The following PDE4B variants were observed in gnomAD, a reference collection of about 807,000 sequenced individuals.
PDE4B encodes 3',5'-cyclic-AMP phosphodiesterase 4B.
Under a neutral mutation model 82.2 loss-of-function variants are expected in PDE4B, and 20 were observed. The ratio of observed to expected loss-of-function variants is 0.24; its 90% CI spans 0.17 to 0.35. PDE4B has a LOEUF of 0.35. Ranked by LOEUF, PDE4B falls within the 10% of genes least tolerant of loss-of-function variation. PDE4B has a pLI of 1.00. For synonymous variants in PDE4B, 320 were observed against 318.9 expected (o/e 1.00, Z -0.04); for missense variants, 655 against 907.2 (o/e 0.72, Z 3.57).
At chr1:66,314,324 C>G (rs1360119325) in intron 7 of PDE4B, among the ~76,000 whole-genome samples, 2 of 152,202 alleles carry the variant, frequency 1.3e-5, no homozygotes, top group African/African-American at 4.8e-5. Context: ...ATTCAAGAAC[C>G]TACAATAGCT....
intron 3 of PDE4B, among the ~76,000 whole-genome samples, chr1:65,982,066 G>GA (rs770621001): frequency 6.6e-6 from 1 of 152,188 alleles, no homozygotes; most frequent in Non-Finnish European, 1.5e-5. Flanking sequence ...GACTGGAAGA[G>GA]ATTTGAAGTG....
chr1:65,913,912 G>T (rs1239027612), intron 2 of PDE4B, among the ~76,000 whole-genome samples: 1 of 152,164 alleles, frequency 6.6e-6, no homozygotes, highest in Non-Finnish European at 1.5e-5. Context: ...TAATGGGATA[G>T]CAGAGTAAAT....
intron 8 of PDE4B, among the ~76,000 whole-genome samples, chr1:66,335,456 T>C (rs78364937): frequency 2.6e-5 from 4 of 152,194 alleles, no homozygotes; most frequent in African/African-American, 2.4e-5. Flanking sequence ...CTAGGTAGGG[T>C]TGTGCTTTTT....
intron 3 of PDE4B, among the ~76,000 whole-genome samples, chr1:65,970,625 G>A (rs1403922822): frequency 2.0e-5 from 3 of 152,092 alleles, no homozygotes; most frequent in Non-Finnish European, 2.9e-5. Flanking sequence ...AGTATATAAT[G>A]TAATAAGTTC....
At chr1:66,174,628 T>A (rs1438433506) in intron 3 of PDE4B, among the ~76,000 whole-genome samples, 1 of 151,982 alleles carries the variant, frequency 6.6e-6, no homozygotes, top group Non-Finnish European at 1.5e-5. Context: ...TGGTGGCACA[T>A]GCCTGTAATC....
At chr1:66,201,678 G>A (rs1233132097) in intron 3 of PDE4B, among the ~76,000 whole-genome samples, 6 of 137,636 alleles carry the variant, frequency 4.4e-5, no homozygotes, top group Non-Finnish European at 9.5e-5. Flanking sequence ...ATTTCTGTGG[G>A]ATCTGTGGTG....
intron 3 of PDE4B, among the ~76,000 whole-genome samples, chr1:65,984,350 G>A (rs546180445): frequency 1.3e-5 from 2 of 152,276 alleles, no homozygotes; most frequent in Non-Finnish European, 2.9e-5. Flanking sequence ...CTATAAAGGT[G>A]TAGCAGAGAA....
chr1:66,129,149 T>C (rs1645883113), intron 3 of PDE4B, among the ~76,000 whole-genome samples: 1 of 152,262 alleles, frequency 6.6e-6, no homozygotes, highest in Admixed American at 6.5e-5. Context: ...AGAGACGTTG[T>C]GTTATTCCTC....
intron 3 of PDE4B, among the ~76,000 whole-genome samples, chr1:66,014,485 T>C (rs1221415349): frequency 1.3e-5 from 2 of 152,084 alleles, no homozygotes; most frequent in African/African-American, 2.4e-5. Flanking sequence ...AAGATTAGAG[T>C]CCAACTGCTT....
chr1:65,943,376 A>G (rs1046515842), intron 3 of PDE4B, among the ~76,000 whole-genome samples: 1 of 151,982 alleles, frequency 6.6e-6, no homozygotes, highest in African/African-American at 2.4e-5. Flanking sequence ...TTTTTATGAC[A>G]GCACCATGCT....
intron 7 of PDE4B, among the ~76,000 whole-genome samples, chr1:66,312,403 T>C (rs1035390763): frequency 2.6e-5 from 4 of 152,192 alleles, no homozygotes; most frequent in African/African-American, 9.6e-5. Context: ...CTTCTAGAGG[T>C]TGCATGCATT....
At chr1:65,801,915 T>G (rs896901651) in intron 1 of PDE4B, among the ~76,000 whole-genome samples, 1 of 152,068 alleles carries the variant, frequency 6.6e-6, no homozygotes, top group Non-Finnish European at 1.5e-5. Flanking sequence ...AGTGTAAAGG[T>G]GAAAGAAGGT....
At chr1:66,228,101 CT>C (rs1234823032) in intron 3 of PDE4B, among the ~76,000 whole-genome samples, 2 of 152,234 alleles carry the variant, frequency 1.3e-5, no homozygotes, top group East Asian at 3.8e-4. Flanking sequence ...TGCTTTTGCA[CT>C]TGCTGTTTCC....
chr1:65,865,762 G>A (rs1031496061), intron 1 of PDE4B, among the ~76,000 whole-genome samples: 5 of 152,176 alleles, frequency 3.3e-5, no homozygotes, highest in Non-Finnish European at 7.3e-5. Flanking sequence ...AGTTGGAAAT[G>A]CAGAAATCAC....
intron 3 of PDE4B, among the ~76,000 whole-genome samples, chr1:66,058,197 A>G (rs974030499): frequency 6.6e-6 from 1 of 152,206 alleles, no homozygotes; most frequent in Admixed American, 6.5e-5. Flanking sequence ...CTTTGACTTC[A>G]TGTCTCACAT....
At chr1:65,885,858 A>T (rs1270764201) in intron 1 of PDE4B, among the ~76,000 whole-genome samples, 4 of 119,468 alleles carry the variant, frequency 3.3e-5, no homozygotes, top group South Asian at 2.5e-4. Context: ...CTTAACGTAT[A>T]ATAATAATAA....
intron 3 of PDE4B, among the ~76,000 whole-genome samples, chr1:66,149,421 C>A (rs1474975848): frequency 2.0e-5 from 3 of 152,052 alleles, no homozygotes; most frequent in African/African-American, 7.2e-5. Flanking sequence ...TTTTTACTCC[C>A]TTGATATTAT....
chr1:66,085,099 C>T (rs532253368), intron 3 of PDE4B, among the ~76,000 whole-genome samples: 37 of 152,206 alleles, frequency 2.4e-4, no homozygotes, highest in African/African-American at 8.4e-4. Context: ...AGCAGTGGTC[C>T]CCAGTGTGTA....
At chr1:65,876,081 C>T (rs12760605) in intron 1 of PDE4B, among the ~76,000 whole-genome samples, 25,457 of 151,698 alleles carry the variant, frequency 0.17, 2,369 homozygotes, top group South Asian at 0.29. Context: ...GTTGTGGGGG[C>T]GGAAGTTTTT....
Sources: gnomAD v4.1 joint callset for allele counts (sites outside exome capture counted in the v4.1 genomes callset) on GRCh38, gnomAD v4.1.1 for gene constraint, MANE v1.5 for transcripts, NCBI Gene and HGNC (gene_info 2026-07-23, HGNC 2026-07-21) for gene names.